The following MTHFD2L variants were observed in gnomAD, a reference collection of about 807,000 sequenced individuals.
MTHFD2L encodes bifunctional methylenetetrahydrofolate dehydrogenase/cyclohydrolase 2, mitochondrial.
MTHFD2L carries 29 observed loss-of-function variants against 34.9 expected under a neutral mutation model. The ratio of observed to expected loss-of-function variants is 0.83; its 90% CI spans 0.62 to 1.13. The LOEUF (loss-of-function observed/expected upper bound fraction) is 1.13. MTHFD2L is among the 50% of genes most tolerant of loss of function. The probability of loss-of-function intolerance (pLI) is 0.00; values close to 1 mark genes in which losing one functional copy is unlikely to be tolerated. For synonymous variants in MTHFD2L, 167 were observed against 155.7 expected (o/e 1.07, Z -0.54); for missense variants, 481 against 446.5 (o/e 1.08, Z -0.70).
intron 7 of MTHFD2L, among the ~76,000 whole-genome samples, chr4:74,300,936 G>A (rs912132712): frequency 2.0e-5 from 3 of 152,002 alleles, no homozygotes; most frequent in Admixed American, 1.3e-4. Context: ...GTTGATCATG[G>A]TTGTTCACCT....
chr4:74,298,869 A>C (rs1356892776), intron 7 of MTHFD2L, among the ~76,000 whole-genome samples: 2 of 151,988 alleles, frequency 1.3e-5, no homozygotes, highest in East Asian at 3.9e-4. Flanking sequence ...GGGTGAAATT[A>C]TGGGATTATA....
upstream of MTHFD2L, chr4:74,158,013 G>A: frequency 7.1e-7 from 1 of 1,412,484 alleles, no homozygotes; most frequent in Non-Finnish European, 9.6e-7. Flanking sequence ...GTGTCTGCCG[G>A]AACCTGGCTG....
At chr4:74,156,712 C>A (rs889082504), upstream of MTHFD2L, 1 of 152,196 alleles carries the variant, frequency 6.6e-6, no homozygotes, top group Non-Finnish European at 1.5e-5. Context: ...TCCTTGCCAG[C>A]ATTTCGTATT....
At position 74,205,401 on chromosome 4, in the gene MTHFD2L, C is replaced by T. The variant is rs542164324; in HGVS notation, c.712+4031C>T. On this transcript the variant is annotated intron_variant, in intron 5 of 7. Coordinates refer to ENST00000325278, the MANE Select transcript of MTHFD2L (RefSeq NM_001144978.3). ...TCAATGTTGAGCATTCAGCTCATGC[C>T]GTGTATTTATTTCTTTTCCAGAAGA... 5.3e-5 allele frequency among the ~76,000 whole-genome samples: 8 copies of T among 152,178 alleles called. No homozygotes were observed. In the South Asian group the frequency reaches 6.2e-4, roughly 12 times the overall value.
intron 7 of MTHFD2L, among the ~76,000 whole-genome samples, chr4:74,286,519 A>G (rs1748194494): frequency 6.6e-6 from 1 of 152,164 alleles, no homozygotes; most frequent in African/African-American, 2.4e-5. Context: ...TAAATAACAC[A>G]TTGGAAAACA....
intron 1 of MTHFD2L, among the ~76,000 whole-genome samples, chr4:74,139,664 T>G (rs925057541): frequency 6.6e-6 from 1 of 152,160 alleles, no homozygotes; most frequent in Non-Finnish European, 1.5e-5. Flanking sequence ...CAAAGTTTTT[T>G]TCACTTCTTT....
At chr4:74,293,496 C>T (rs955116924) in intron 7 of MTHFD2L, 7 of 981,696 alleles carry the variant, frequency 7.1e-6, no homozygotes, top group Admixed American at 6.2e-5. Flanking sequence ...CAGGATGCCA[C>T]GATAATGAAC....
chr4:74,126,503 A>G (rs986626501), intron 1 of MTHFD2L, among the ~76,000 whole-genome samples: 4 of 152,196 alleles, frequency 2.6e-5, no homozygotes, highest in African/African-American at 7.2e-5. Context: ...CTTGCTGTCC[A>G]TCATCAAATC....
chr4:74,120,192 G>T (rs1721729293), upstream of MTHFD2L, among the ~76,000 whole-genome samples: 1 of 152,136 alleles, frequency 6.6e-6, no homozygotes, highest in Non-Finnish European at 1.5e-5. Flanking sequence ...AGTTCAAAAG[G>T]TGGCATGTGT....
intron 1 of MTHFD2L, among the ~76,000 whole-genome samples, chr4:74,164,037 G>A (rs1030475862): frequency 1.3e-4 from 20 of 152,170 alleles, no homozygotes; most frequent in Admixed American, 6.5e-4. Flanking sequence ...CACCACGCCC[G>A]GCTAATTTTT....
At chr4:74,205,851 GAT>G (rs1735203609) in intron 5 of MTHFD2L, among the ~76,000 whole-genome samples, 1 of 151,152 alleles carries the variant, frequency 6.6e-6, no homozygotes, top group Non-Finnish European at 1.5e-5. Flanking sequence ...AAGGGGATAT[GAT>G]ATACAAGTAT....
chr4:74,154,413 A>C (rs1317265360), upstream of MTHFD2L, among the ~76,000 whole-genome samples: 1 of 152,138 alleles, frequency 6.6e-6, no homozygotes, highest in Non-Finnish European at 1.5e-5. Flanking sequence ...GAGTATCTAC[A>C]TAAATTTTAG....
intron 5 of MTHFD2L, among the ~76,000 whole-genome samples, chr4:74,205,953 T>C (rs1197719424): frequency 2.0e-5 from 3 of 152,288 alleles, no homozygotes; most frequent in East Asian, 3.9e-4. Flanking sequence ...AACTCATGGC[T>C]AATTGAGGTG....
At chr4:74,268,450 C>G (rs1472321103) in intron 6 of MTHFD2L, among the ~76,000 whole-genome samples, 1 of 151,980 alleles carries the variant, frequency 6.6e-6, no homozygotes, top group Admixed American at 6.6e-5. Context: ...TCTGACTCAT[C>G]ATTGTGAAAC....
At chr4:74,212,399 G>T (rs1364834683) in intron 5 of MTHFD2L, among the ~76,000 whole-genome samples, 3 of 152,192 alleles carry the variant, frequency 2.0e-5, no homozygotes, top group African/African-American at 7.2e-5. Context: ...TTGTGTCTTT[G>T]TTCTCATTGG....
At position 74,302,177 on chromosome 4, in the gene MTHFD2L, T is replaced by C. The variant is rs1178594257; in HGVS notation, c.*368T>C. ...CCTGTCAGCCAAATGGTTACCCATATAAAATGTAATTTAGGTTTTGCTACT... is the reference window on the plus strand; with the variant it reads ...CCTGTCAGCCAAATGGTTACCCATACAAAATGTAATTTAGGTTTTGCTACT... On this transcript the variant is annotated 3_prime_UTR_variant, in exon 8 of 8. Coordinates refer to ENST00000325278, the MANE Select transcript of MTHFD2L (RefSeq NM_001144978.3). The C allele has an allele frequency of 6.3e-6, 1 of 158,044 alleles. No homozygotes were observed. Among genetic ancestry groups the C allele is most frequent in the East Asian group, 1.8e-4 (1 of 5,538 alleles). 9.8% of individuals were successfully genotyped at this position (158,044 alleles called of 1,614,324 possible). A position where few individuals can be genotyped will look rare whatever the true frequency, so the allele number is the denominator to read the frequency against.
chr4:74,132,909 A>G (rs945317178), intron 1 of MTHFD2L, among the ~76,000 whole-genome samples: 1 of 152,116 alleles, frequency 6.6e-6, no homozygotes, highest in African/African-American at 2.4e-5. Flanking sequence ...TTATGATTGG[A>G]TTGCACACCA....
At chr4:74,180,853 G>T in intron 3 of MTHFD2L, 1 of 213,846 alleles carries the variant, frequency 4.7e-6, no homozygotes, top group Non-Finnish European at 1.1e-5. Flanking sequence ...TCAATAAGTG[G>T]TCACTTTGTC....
At chr4:74,137,909 A>G (rs1379708622) in intron 1 of MTHFD2L, among the ~76,000 whole-genome samples, 2 of 152,106 alleles carry the variant, frequency 1.3e-5, no homozygotes, top group Non-Finnish European at 2.9e-5. Context: ...AAAAAAGTGG[A>G]TATCATGAAG....
Sources: gnomAD v4.1 joint callset for allele counts (sites outside exome capture counted in the v4.1 genomes callset) on GRCh38, gnomAD v4.1.1 for gene constraint, MANE v1.5 for transcripts, NCBI Gene and HGNC (gene_info 2026-07-23, HGNC 2026-07-21) for gene names.